ADAMTS2: variants seen among roughly 807,000 people sequenced by gnomAD.
The protein encoded by ADAMTS2 is A disintegrin and metalloproteinase with thrombospondin motifs 2.
In ADAMTS2, 50 loss-of-function variants were observed where a neutral mutation model predicts 123.0. The ratio of observed to expected loss-of-function variants is 0.41; its 90% CI spans 0.32 to 0.51. ADAMTS2 has a LOEUF of 0.51. Among genes scored for constraint, ADAMTS2 ranks in the 20% least tolerant of loss-of-function variants. The pLI is 0.35. For missense variants in ADAMTS2, 1,494 were observed against 1,705.2 expected (o/e 0.88, Z 2.18); for synonymous variants, 678 against 695.4 (o/e 0.98, Z 0.39).
intron 4 of ADAMTS2, among the ~76,000 whole-genome samples, chr5:179,203,875 C>T (rs77606167): frequency 0.016 from 2,201 of 140,162 alleles, 37 homozygotes; most frequent in Non-Finnish European, 0.021. Context: ...GTCAAGAGAA[C>T]GGAAAACAGA....
Position 179,139,875 on chromosome 5 carries a change from A to G in ADAMTS2, c.1775+15T>C. The G allele has an allele frequency of 6.2e-7, 1 of 1,611,738 alleles. No homozygotes were observed. Among genetic ancestry groups the G allele is most frequent in the Non-Finnish European group, 8.5e-7 (1 of 1,179,910 alleles). ...TGCCACTCAGCAAGGCCAGGGGGAC[A>G]TGGGGCCAACTCACTGTGGGTTGTC... On this transcript the variant is annotated intron_variant, in intron 11 of 21. Coordinates refer to ENST00000251582, the MANE Select transcript of ADAMTS2 (RefSeq NM_014244.5).
intron 3 of ADAMTS2, among the ~76,000 whole-genome samples, chr5:179,210,747 C>T (rs901497133): frequency 6.6e-6 from 1 of 152,244 alleles, no homozygotes; most frequent in Non-Finnish European, 1.5e-5. Flanking sequence ...GCAACAGGAG[C>T]TCTGGCCCAG....
rs73808281 is a variant in ADAMTS2, at chr5:179,337,865, C to T, written c.534+5902G>A. On this transcript the variant is annotated intron_variant, in intron 2 of 21. Transcript: ENST00000251582. ...CCTTCACCTCCCAGCTGACTCTGCA[C>T]GAGGGCCTGAATTCACTCACTCACC... Among the ~76,000 whole-genome samples the T allele has an allele frequency of 5.4e-4, 75 of 139,648 alleles. 2 individuals carry two copies. Among genetic ancestry groups the T allele is most frequent in the African/African-American group, 1.5e-3 (56 of 36,526 alleles). 91.6% of individuals were successfully genotyped at this position (139,648 alleles called of 152,430 possible).
chr5:179,151,885 G>A (rs1445255312), intron 10 of ADAMTS2, among the ~76,000 whole-genome samples: 1 of 152,190 alleles, frequency 6.6e-6, no homozygotes. Context: ...CCTTAAAGGG[G>A]GATTCCTGAG....
At chr5:179,233,548 G>A (rs1170320350) in intron 3 of ADAMTS2, among the ~76,000 whole-genome samples, 1 of 152,142 alleles carries the variant, frequency 6.6e-6, no homozygotes, top group African/African-American at 2.4e-5. Flanking sequence ...TTAGCCAGGC[G>A]TGTTGGCAGG....
chr5:179,305,829 A>G (rs1756657295), intron 2 of ADAMTS2, among the ~76,000 whole-genome samples: 1 of 152,344 alleles, frequency 6.6e-6, no homozygotes, highest in South Asian at 2.1e-4. Flanking sequence ...CATAAAAAAG[A>G]TAATGGAATA....
At chr5:179,301,870 G>A (rs1274164357) in intron 2 of ADAMTS2, among the ~76,000 whole-genome samples, 1 of 152,210 alleles carries the variant, frequency 6.6e-6, no homozygotes, top group Non-Finnish European at 1.5e-5. Flanking sequence ...GTGGCAGCAG[G>A]GCGTGCGGGA....
In ADAMTS2 at chr5:179,239,316, AGT is replaced by A. The variant is rs373943931; in HGVS notation, c.689-31603_689-31602del. Among the ~76,000 whole-genome samples the A allele has an allele frequency of 3.5e-3, 536 of 152,266 alleles. 4 individuals carry two copies. Among genetic ancestry groups the A allele is most frequent in the African/African-American group, 0.012 (515 of 41,554 alleles). On this transcript the variant is annotated intron_variant, in intron 3 of 21. Transcript: ENST00000251582. ...AAGATTTCTCAACAGGTTTCTCATC[AGT>A]GTGAGAGGAAGAGAGGGGTCAACCC...
chr5:179,224,351 T>C (rs183205084), intron 3 of ADAMTS2, among the ~76,000 whole-genome samples: 60 of 152,286 alleles, frequency 3.9e-4, no homozygotes, highest in Non-Finnish European at 6.9e-4. Context: ...ACAGCAATTC[T>C]CACTCGGGCC....
At chr5:179,176,483 C>T (rs1445118963) in intron 5 of ADAMTS2, among the ~76,000 whole-genome samples, 1 of 152,124 alleles carries the variant, frequency 6.6e-6, no homozygotes, top group Non-Finnish European at 1.5e-5. Flanking sequence ...CTCCTGTGCT[C>T]CCCAATCTCA....
At chr5:179,165,520 AG>A (rs34870139) in intron 5 of ADAMTS2, among the ~76,000 whole-genome samples, 4 of 151,962 alleles carry the variant, frequency 2.6e-5, no homozygotes, top group Non-Finnish European at 2.9e-5. Context: ...AGCTGTGCTG[AG>A]GGGGGGACCA....
Position 179,114,240 on chromosome 5 carries a change from A to C in ADAMTS2, c.3263T>G (p.Leu1088Arg). ...GTACAGGTTACAGGACTTGCAGCAC[A>C]GCTTGTTGTAGCCTGGGATGGAGCA... ...RYCSIPGYNK[L>R]CCKSCNLYNN... The change falls in exon 22 of 22, where the codon CTG (leucine) becomes CGG (arginine). Residue 1088 changes from leucine (L) to arginine (R), a missense_variant. Leu to Arg is a moderately radical substitution (Grantham distance 102). Coordinates refer to ENST00000251582, the MANE Select transcript of ADAMTS2 (RefSeq NM_014244.5). The C allele has an allele frequency of 1.2e-6, 2 of 1,614,048 alleles. No individual in the cohort carries two copies. Among genetic ancestry groups the C allele is most frequent in the Non-Finnish European group, 1.7e-6 (2 of 1,179,902 alleles).
intron 2 of ADAMTS2, among the ~76,000 whole-genome samples, chr5:179,320,454 T>C (rs1757134464): frequency 2.0e-5 from 3 of 150,958 alleles, no homozygotes; most frequent in South Asian, 4.2e-4. Flanking sequence ...ACTACAGGTG[T>C]CCACCACTAC....
At chr5:179,257,124 G>A (rs1015967830) in intron 3 of ADAMTS2, among the ~76,000 whole-genome samples, 2 of 152,194 alleles carry the variant, frequency 1.3e-5, no homozygotes, top group African/African-American at 2.4e-5. Context: ...GAGTTTCAAA[G>A]GTGGCCGAGG....
chr5:179,243,506 T>C (rs11249618), intron 3 of ADAMTS2, among the ~76,000 whole-genome samples: 57,838 of 152,054 alleles, frequency 0.38, 11,597 homozygotes, highest in African/African-American at 0.49. Context: ...ATACAGACTT[T>C]GTGAAAACAG....
At position 179,266,415 on chromosome 5, in the gene ADAMTS2, G is replaced by A. The variant is rs570799232; in HGVS notation, c.688+6496C>T. ...CTGGCTATAGAAGAGGAGAAGCCAC[G>A]TGACCAGGGAGGCAGAGACTGCAGC... is the stretch of plus-strand genomic sequence containing the variant. On this transcript the variant is annotated intron_variant, in intron 3 of 21. Transcript: ENST00000251582. 2.9e-5 allele frequency among the ~76,000 whole-genome samples: 4 copies of A among 139,436 alleles called. No individual in the cohort carries two copies. The South Asian group carries it at 1.1e-3, about 37-fold the overall frequency. The allele number at this position is 139,436 out of a possible 152,430, so 91.5% of individuals were successfully genotyped here.
intron 21 of ADAMTS2, among the ~76,000 whole-genome samples, chr5:179,114,735 G>A (rs1457665163): frequency 1.3e-5 from 2 of 152,162 alleles, no homozygotes; most frequent in Admixed American, 6.5e-5. Flanking sequence ...CTGTGGCAAG[G>A]CTTGACTCTA....
At chr5:179,157,884 C>T (rs139757571) in intron 6 of ADAMTS2, among the ~76,000 whole-genome samples, 10 of 152,244 alleles carry the variant, frequency 6.6e-5, no homozygotes, top group South Asian at 2.1e-4. Context: ...AGTGGATTAG[C>T]GTGCCTTTAA....
intron 4 of ADAMTS2, among the ~76,000 whole-genome samples, chr5:179,184,556 C>A (rs570901076): frequency 6.6e-6 from 1 of 151,764 alleles, no homozygotes; most frequent in Admixed American, 6.6e-5. Context: ...TGCATTTTTC[C>A]CCACGTTTGA....
Sources: allele counts gnomAD v4.1 joint callset (sites outside exome capture counted in the v4.1 genomes callset), GRCh38; gene constraint gnomAD v4.1.1; transcripts MANE v1.5; gene names NCBI Gene and HGNC (gene_info 2026-07-23, HGNC 2026-07-21).